The following SLC9D1 variants were observed in gnomAD, a reference collection of about 807,000 sequenced individuals.
The protein encoded by SLC9D1 is putative LAG1-interacting protein.
At chr13:113,510,286 A>G in the SLC9D1 span, 1 of 1,614,012 alleles carries the variant, frequency 6.2e-7, no homozygotes, top group Non-Finnish European at 8.5e-7. Flanking sequence ...ACTGTTAATG[A>G]TTGCATTTGG....
the SLC9D1 span, among the ~76,000 whole-genome samples, chr13:113,522,288 G>T: frequency 6.6e-6 from 1 of 152,184 alleles, no homozygotes; most frequent in Non-Finnish European, 1.5e-5. Context: ...GGATTCTGTC[G>T]ATTGCTTTTT....
chr13:113,539,189 A>AC, the SLC9D1 span, among the ~76,000 whole-genome samples: 1 of 151,918 alleles, frequency 6.6e-6, no homozygotes, highest in Non-Finnish European at 1.5e-5. The surrounding 1 kb of genome is among the most constrained non-coding windows in gnomAD (Gnocchi z 4.8). Context: ...TCCACATGTC[A>AC]CCTCTCAGAC....
At chr13:113,501,940 T>A in the SLC9D1 span, 2 of 1,375,564 alleles carry the variant, frequency 1.5e-6, no homozygotes, top group South Asian at 2.4e-5. Context: ...AGAGAATTCA[T>A]GAAGACTAAA....
the SLC9D1 span, among the ~76,000 whole-genome samples, chr13:113,545,182 G>A: frequency 2.6e-5 from 4 of 152,222 alleles, no homozygotes; most frequent in Non-Finnish European, 4.4e-5. Context: ...TGCAGGCAGC[G>A]TCCTTAGCAG....
At chr13:113,546,202 C>T in the SLC9D1 span, among the ~76,000 whole-genome samples, 16 of 152,222 alleles carry the variant, frequency 1.1e-4, no homozygotes, top group South Asian at 3.1e-3. The surrounding 1 kb of genome is among the most constrained non-coding windows in gnomAD (Gnocchi z 7.1). Flanking sequence ...CCAAAGGCAG[C>T]CTGGACCGGG....
the SLC9D1 span, among the ~76,000 whole-genome samples, chr13:113,543,127 C>CTGTGA: frequency 2.3e-5 from 2 of 86,286 alleles, no homozygotes; most frequent in Admixed American, 2.6e-4. Flanking sequence ...CCCTCCCTGT[C>CTGTGA]CGTGACCACC....
At chr13:113,542,967 C>T in the SLC9D1 span, among the ~76,000 whole-genome samples, 5 of 152,110 alleles carry the variant, frequency 3.3e-5, no homozygotes, top group South Asian at 2.1e-4. Context: ...TGCAGCCTCA[C>T]GAGTCAGTGT....
chr13:113,519,679 C>G, the SLC9D1 span, among the ~76,000 whole-genome samples: 4 of 151,340 alleles, frequency 2.6e-5, no homozygotes, highest in Admixed American at 6.6e-5. Context: ...ATTTGGACAC[C>G]AAGTCTGTGT....
the SLC9D1 span, among the ~76,000 whole-genome samples, chr13:113,509,260 T>A: frequency 8.1e-4 from 82 of 101,566 alleles, no homozygotes; most frequent in African/African-American, 1.5e-3. Flanking sequence ...TGCCTGTCTA[T>A]GTTGGGACTG....
At chr13:113,503,701 G>C in the SLC9D1 span, 1 of 636,524 alleles carries the variant, frequency 1.6e-6, no homozygotes, top group Non-Finnish European at 2.8e-6. Flanking sequence ...TTTTAGAATA[G>C]AATATGATAT....
the SLC9D1 span, chr13:113,534,308 C>A: frequency 8.0e-7 from 1 of 1,246,650 alleles, no homozygotes; most frequent in Non-Finnish European, 1.2e-6. Flanking sequence ...ATCTTGTGAT[C>A]CATTCTTTAC....
the SLC9D1 span, among the ~76,000 whole-genome samples, chr13:113,525,967 C>T: frequency 6.6e-6 from 1 of 151,200 alleles, no homozygotes; most frequent in East Asian, 2.0e-4. Flanking sequence ...CCGTCGTCGT[C>T]GTAGGAGACG....
At chr13:113,495,970 A>ACATGAAGGAGAGCAG in the SLC9D1 span, 2 of 1,613,754 alleles carry the variant, frequency 1.2e-6, no homozygotes, top group Non-Finnish European at 1.7e-6. Flanking sequence ...GATGTCGTGA[A>ACATGAAGGAGAGCAG]CATGAAGGAG....
the SLC9D1 span, among the ~76,000 whole-genome samples, chr13:113,531,076 G>A: frequency 2.6e-5 from 4 of 152,124 alleles, no homozygotes; most frequent in Admixed American, 6.5e-5. Flanking sequence ...GGAGGCACCC[G>A]GCTCCCTTAG....
the SLC9D1 span, among the ~76,000 whole-genome samples, chr13:113,513,445 G>C: frequency 6.6e-6 from 1 of 152,200 alleles, no homozygotes; most frequent in Non-Finnish European, 1.5e-5. Flanking sequence ...TAGAAAAGGA[G>C]ATGTTTGAGT....
the SLC9D1 span, among the ~76,000 whole-genome samples, chr13:113,511,146 C>T: frequency 1.5e-4 from 23 of 152,246 alleles, no homozygotes; most frequent in East Asian, 9.6e-4. Context: ...TGTCCCTGTG[C>T]GGGGAGGCTT....
chr13:113,496,810 G>A, the SLC9D1 span, among the ~76,000 whole-genome samples: 1 of 152,162 alleles, frequency 6.6e-6, no homozygotes, highest in South Asian at 2.1e-4. Flanking sequence ...CAATAACACT[G>A]ATTCATTTGT....
chr13:113,548,637 T>C, the SLC9D1 span, among the ~76,000 whole-genome samples: 1 of 152,260 alleles, frequency 6.6e-6, no homozygotes, highest in East Asian at 1.9e-4. Context: ...CAGAGGAAAG[T>C]TGCAGTTAGT....
the SLC9D1 span, among the ~76,000 whole-genome samples, chr13:113,525,571 C>T: frequency 7.7e-6 from 1 of 130,022 alleles, no homozygotes; most frequent in Non-Finnish European, 1.8e-5. Context: ...TAGGAGACGA[C>T]AGCTCTGTGC....
Sources: gnomAD v4.1 joint callset for allele counts (sites outside exome capture counted in the v4.1 genomes callset) on GRCh38, gnomAD v4.1.1 for gene constraint, Gnocchi (gnomAD v3.1) non-coding constraint, MANE v1.5 for transcripts, NCBI Gene and HGNC (gene_info 2026-07-23, HGNC 2026-07-21) for gene names.